ACACB: variants seen among roughly 807,000 people sequenced by gnomAD.
ACACB encodes acetyl-CoA carboxylase 2.
ACACB carries 209 observed loss-of-function variants against 278.8 expected under a neutral mutation model. The observed-to-expected ratio is 0.75, with a 90% CI of 0.67 to 0.84. The LOEUF (loss-of-function observed/expected upper bound fraction) is 0.84. ACACB is among the 40% of genes least tolerant of loss of function. ACACB has a pLI of 0.00. For missense variants in ACACB, 2,850 were observed against 3,269.0 expected (o/e 0.87, Z 3.13); for synonymous variants, 1,174 against 1,285.6 (o/e 0.91, Z 1.86).
At chr12:109,117,014 A>G (rs959474107) in intron 1 of ACACB, among the ~76,000 whole-genome samples, 17 of 145,356 alleles carry the variant, frequency 1.2e-4, no homozygotes, top group Non-Finnish European at 2.3e-4. Flanking sequence ...CTTAAGGAAT[A>G]GTATTCTGTT....
At chr12:109,117,046 T>TA (rs1566132899) in intron 1 of ACACB, among the ~76,000 whole-genome samples, 1 of 137,758 alleles carries the variant, frequency 7.3e-6, no homozygotes, top group East Asian at 2.1e-4. Flanking sequence ...AAATGGTTGT[T>TA]CTTTTTTTTT....
At position 109,188,010 on chromosome 12, in the gene ACACB, G is replaced by A. The variant is rs1286842966; in HGVS notation, c.1992G>A (p.Pro664=). 30 of 1,594,568 alleles carry A rather than the reference G, an allele frequency of 1.9e-5. 2 individuals are homozygous for A. Among genetic ancestry groups the A allele is most frequent in the East Asian group, 2.3e-5 (1 of 44,192 alleles). ...TGTCCGGACTCCAGGGTTTTAAGCC[G>A]AGCTCCGGGACTGTCCAGGAACTGA... ...TSENPDEGFK[P]SSGTVQELNF... The change falls in exon 13 of 53, where the codon CCG becomes CCA. Residue 664 remains proline (P), a synonymous_variant. Transcript: ENST00000338432.
At chr12:109,265,062 C>A in intron 50 of ACACB, 48 bp from the exon 51 acceptor site, 1 of 1,565,036 alleles carries the variant, frequency 6.4e-7, no homozygotes, top group Non-Finnish European at 8.7e-7. Flanking sequence ...AGCCAGTGTC[C>A]CGTCTCCTCC....
At chr12:109,178,024 T>A (rs745968130) in intron 9 of ACACB, among the ~76,000 whole-genome samples, 1 of 152,158 alleles carries the variant, frequency 6.6e-6, no homozygotes, top group Non-Finnish European at 1.5e-5. Flanking sequence ...AAGTCAGCCA[T>A]GTGTTAAGAA....
intron 33 of ACACB, chr12:109,236,050 C>T (rs184766067): frequency 3.6e-4 from 60 of 167,928 alleles, no homozygotes; most frequent in African/African-American, 1.3e-3. Context: ...CCAGGCTGGA[C>T]TCGAACTTAT....
chr12:109,188,225 C>CCCTCT, intron 13 of ACACB, 63 bp downstream of exon 13: 1 of 1,436,370 alleles, frequency 7.0e-7, no homozygotes, highest in South Asian at 1.3e-5. Flanking sequence ...TTCCTTCCTT[C>CCCTCT]CTTCCTTCCC....
At chr12:109,133,319 C>G (rs991092519) in intron 1 of ACACB, among the ~76,000 whole-genome samples, 5 of 151,922 alleles carry the variant, frequency 3.3e-5, no homozygotes, top group African/African-American at 1.2e-4. Context: ...CAACCTCCCC[C>G]TCCTGAGCTC....
intron 36 of ACACB, chr12:109,241,661 G>C (rs141652792): frequency 1.1e-5 from 3 of 268,660 alleles, no homozygotes; most frequent in African/African-American, 6.5e-5. Flanking sequence ...GGCCATATTT[G>C]GGATAAGTTG....
chr12:109,252,925 C>G (rs2047133863), intron 42 of ACACB, 90 bp from the exon 43 acceptor site: 1 of 1,302,954 alleles, frequency 7.7e-7, no homozygotes, highest in Non-Finnish European at 1.0e-6. Flanking sequence ...TAATGTGTAG[C>G]CAGGATTGAG....
Position 109,141,579 on chromosome 12 carries a change from G to A in ACACB, c.653+1521G>A, listed in dbSNP as rs570141958. Among the ~76,000 whole-genome samples the A allele has an allele frequency of 9.2e-5, 14 of 152,322 alleles. 1 individual carries two copies. In the South Asian group the frequency reaches 2.9e-3, roughly 32 times the overall value. ...TTCTAGTGTGTTTTTCTCCTCTGGAGTGAAGTTTTACTGGCTATTCTTTTA... is the reference window on the plus strand; with the variant it reads ...TTCTAGTGTGTTTTTCTCCTCTGGAATGAAGTTTTACTGGCTATTCTTTTA... On this transcript the variant is annotated intron_variant, in intron 2 of 52. Coordinates refer to ENST00000338432, the MANE Select transcript of ACACB (RefSeq NM_001093.4).
rs546672636 is a variant in ACACB, at chr12:109,261,564, G to A, written c.6675-793G>A. Among the ~76,000 whole-genome samples the A allele has an allele frequency of 2.6e-5, 4 of 152,172 alleles. No homozygotes were observed. In the East Asian group the frequency reaches 5.8e-4, roughly 22 times the overall value. ...CAAAAGGGGGCAGGGGGAGAATAAG[G>A]GGTAAATAAAAATGTTGGAAATGAG... On this transcript the variant is annotated intron_variant, in intron 48 of 52. Transcript: ENST00000338432.
At chr12:109,181,153 T>C (rs2044451937) in intron 11 of ACACB, among the ~76,000 whole-genome samples, 1 of 152,040 alleles carries the variant, frequency 6.6e-6, no homozygotes, top group African/African-American at 2.4e-5. Context: ...TTGCAAATCA[T>C]GGTCTCATTC....
At chr12:109,239,158 C>T (rs2046722541) in intron 34 of ACACB, among the ~76,000 whole-genome samples, 1 of 152,092 alleles carries the variant, frequency 6.6e-6, no homozygotes. Flanking sequence ...AACTGATCCA[C>T]CCATCTCGGC....
At chr12:109,209,022 C>T in intron 20 of ACACB, 143 bp from the exon 21 acceptor site, 3 of 885,152 alleles carry the variant, frequency 3.4e-6, no homozygotes, top group South Asian at 1.7e-5. Context: ...CTCTGGACTG[C>T]CCCAGAGGCT....
chr12:109,151,395 C>G (rs2043372494), intron 2 of ACACB, among the ~76,000 whole-genome samples: 1 of 152,008 alleles, frequency 6.6e-6, no homozygotes, highest in African/African-American at 2.4e-5. Flanking sequence ...ATTCCCCTCC[C>G]CCTTAAGCAT....
rs990567251 is a variant in ACACB, at chr12:109,256,206, G to A, written c.6233G>A (p.Trp2078Ter). Reference sequence around the variant, plus strand: ...AGTTTCAAGGAAATCATGGCACCCTGGGCGCAGACCGTGGTGACAGGACGA... The same window carrying A: ...AGTTTCAAGGAAATCATGGCACCCTAGGCGCAGACCGTGGTGACAGGACGA... ...HGSFKEIMAP[W>*]AQTVVTGRAR... Residue 2078 changes from tryptophan to a stop codon, truncating the protein, a stop_gained, in exon 45 of 53, where the codon TGG becomes TAG. Transcript: ENST00000338432. LOFTEE classifies it high-confidence loss of function. 1.2e-6 allele frequency: 2 copies of A among 1,613,860 alleles called. No individual in the cohort carries two copies. The highest frequency in any genetic ancestry group is 2.7e-5 in the African/African-American group (2 of 74,918).
At chr12:109,220,017 G>C (rs145804850) in intron 24 of ACACB, among the ~76,000 whole-genome samples, 341 of 152,324 alleles carry the variant, frequency 2.2e-3, no homozygotes, top group African/African-American at 7.9e-3. Flanking sequence ...ATTACAGTCA[G>C]CTTGCCATTC....
intron 24 of ACACB, among the ~76,000 whole-genome samples, chr12:109,220,453 C>T (rs565870237): frequency 2.8e-4 from 43 of 152,230 alleles, no homozygotes; most frequent in African/African-American, 9.6e-4. Context: ...AGTGACAAAA[C>T]GAAGCAAACA....
chr12:109,221,253 G>A (rs753134614), intron 24 of ACACB, among the ~76,000 whole-genome samples: 5 of 152,282 alleles, frequency 3.3e-5, no homozygotes, highest in South Asian at 4.2e-4. Context: ...GGAAAATGCA[G>A]AAACACATGT....
Sources: allele counts gnomAD v4.1 joint callset (sites outside exome capture counted in the v4.1 genomes callset), GRCh38; gene constraint gnomAD v4.1.1; transcripts MANE v1.5; gene names NCBI Gene and HGNC (gene_info 2026-07-23, HGNC 2026-07-21).